The following AFF3 variants were observed in gnomAD, a reference collection of about 807,000 sequenced individuals.
AFF3 encodes the protein AF4/FMR2 family member 3.
Under a neutral mutation model 129.7 loss-of-function variants are expected in AFF3, and 32 were observed. The observed-to-expected ratio is 0.25, with a 90% CI of 0.19 to 0.33. The LOEUF (loss-of-function observed/expected upper bound fraction) is 0.33. Among genes scored for constraint, AFF3 ranks in the 10% least tolerant of loss-of-function variants. AFF3 has a pLI of 1.00. For missense variants in AFF3, 1,373 were observed against 1,592.0 expected, an observed-to-expected ratio of 0.86 and a Z score of 2.34; for synonymous variants, 644 against 635.4, an observed-to-expected ratio of 1.01 and a Z score of -0.20.
rs1380350395 is a variant in AFF3, at chr2:99,582,936, A to G, written c.2655T>C (p.Asp885=). Residue 885 remains aspartate, a synonymous_variant, in exon 17 of 25, where the codon GAT becomes GAC. Transcript: ENST00000672756. ...CGCTGGTGTATTTGTGTTTAGATGC[A>G]TCAGAGAGGGGTGAGATGGGCGACC... The part of the protein sequence containing the change: ...MLRSPISPLS[D]ASKHKYTSED... 9 of 1,614,092 alleles carry G rather than the reference A, an allele frequency of 5.6e-6. No individual in the cohort carries two copies. The highest frequency in any genetic ancestry group is 7.6e-6 in the Non-Finnish European group (9 of 1,180,052).
chr2:99,817,247 G>A (rs910034292), intron 8 of AFF3, among the ~76,000 whole-genome samples: 2 of 152,120 alleles, frequency 1.3e-5, no homozygotes, highest in Non-Finnish European at 2.9e-5. Context: ...AAACCTCCCC[G>A]GGTCTGCCAC....
At chr2:99,576,346 T>C (rs1433090388) in intron 18 of AFF3, among the ~76,000 whole-genome samples, 2 of 125,162 alleles carry the variant, frequency 1.6e-5, no homozygotes, top group Admixed American at 8.2e-5. Context: ...ACGCTTTTTC[T>C]ACAAAAAAAA....
At chr2:99,591,766 T>C (rs1453210365) in intron 15 of AFF3, among the ~76,000 whole-genome samples, 3 of 152,212 alleles carry the variant, frequency 2.0e-5, no homozygotes, top group Non-Finnish European at 2.9e-5. Flanking sequence ...TGATTTCTTA[T>C]TGTGACGCTC....
chr2:100,086,886 C>G (rs578131664), intron 4 of AFF3, among the ~76,000 whole-genome samples: 1 of 152,256 alleles, frequency 6.6e-6, no homozygotes, highest in Non-Finnish European at 1.5e-5. Flanking sequence ...AAACCTCTTA[C>G]AACAGCCCTT....
Position 99,694,538 on chromosome 2 carries a change from G to A in AFF3, c.1092-21949C>T, listed in dbSNP as rs372495039. ...CCTACTAATCAGTGTGACATTTTTT[G>A]CATTGCTCTCCGTAAGTCCTTTCCC... On this transcript the variant is annotated intron_variant, in intron 11 of 24. Coordinates refer to ENST00000672756, the MANE Select transcript of AFF3 (RefSeq NM_001386135.1). Among the ~76,000 whole-genome samples, 4 of 152,146 alleles carry A rather than the reference G, an allele frequency of 2.6e-5. No homozygotes were observed. The East Asian group carries it at 7.7e-4, about 29-fold the overall frequency.
intron 11 of AFF3, among the ~76,000 whole-genome samples, chr2:99,685,439 A>T (rs1181988925): frequency 2.6e-5 from 4 of 152,190 alleles, no homozygotes; most frequent in African/African-American, 9.7e-5. Flanking sequence ...CATGTAAATT[A>T]AGCCTTGCCA....
intron 4 of AFF3, among the ~76,000 whole-genome samples, chr2:100,095,327 G>C (rs554192077): frequency 1.3e-5 from 2 of 152,212 alleles, no homozygotes; most frequent in African/African-American, 4.8e-5. Flanking sequence ...CCCACAATCT[G>C]AAGGAAGAGT....
chr2:99,801,172 C>T (rs7573572), intron 8 of AFF3, among the ~76,000 whole-genome samples: 132,141 of 152,208 alleles, frequency 0.87, 57,427 homozygotes, highest in South Asian at 0.92. Context: ...GAAAATGATA[C>T]TTCCTATTTC....
intron 4 of AFF3, among the ~76,000 whole-genome samples, chr2:100,057,905 T>C (rs1686939725): frequency 6.6e-6 from 1 of 152,208 alleles, no homozygotes; most frequent in Non-Finnish European, 1.5e-5. Flanking sequence ...TAAACTATTA[T>C]TCTTCATGGT....
chr2:99,885,991 G>A (rs1693082530), intron 7 of AFF3, among the ~76,000 whole-genome samples: 1 of 152,208 alleles, frequency 6.6e-6, no homozygotes, highest in Admixed American at 6.5e-5. Flanking sequence ...ACTGGAACAA[G>A]GAACACGCAG....
rs184546564 is a variant in AFF3, at chr2:99,600,842, T to G, written c.1371+593A>C. Among the ~76,000 whole-genome samples, 446 of 152,318 alleles carry G rather than the reference T, an allele frequency of 2.9e-3. 5 individuals carry two copies. Among genetic ancestry groups the G allele is most frequent in the Non-Finnish European group, 1.0e-3 (69 of 68,020 alleles). On this transcript the variant is annotated intron_variant, in intron 14 of 24. Transcript: ENST00000672756. ...TTCTAATGTTTTTATAGGAGGCACC[T>G]AAATCTTCCACATAGATACTCATCA...
Position 99,709,976 on chromosome 2 carries a change from AAAACAAGTGCTTCTGAGTC to A in AFF3, c.1091+17082_1091+17100del, listed in dbSNP as rs1677748279. Reference sequence around the variant, plus strand: ...GTGTCTGTAGTCTGAGGCAGTGAGGAAAACAAGTGCTTCTGAGTCAAACACCTCTGGGGTAAAATCCTGG... The same window carrying A: ...GTGTCTGTAGTCTGAGGCAGTGAGGAAAACACCTCTGGGGTAAAATCCTGG... On this transcript the variant is annotated intron_variant, in intron 11 of 24. Transcript: ENST00000672756. Among the ~76,000 whole-genome samples the A allele has an allele frequency of 2.6e-5, 4 of 152,340 alleles. No homozygotes were observed. In the South Asian group the frequency reaches 8.3e-4, roughly 32 times the overall value.
chr2:99,979,676 G>T (rs1283374973), intron 7 of AFF3, among the ~76,000 whole-genome samples: 2 of 152,072 alleles, frequency 1.3e-5, no homozygotes, highest in South Asian at 2.1e-4. Flanking sequence ...TAGAGATGGG[G>T]TCTCTTTATG....
At chr2:99,882,588 G>T (rs1558943262) in intron 7 of AFF3, among the ~76,000 whole-genome samples, 1 of 152,208 alleles carries the variant, frequency 6.6e-6, no homozygotes, top group Non-Finnish European at 1.5e-5. Context: ...TAGAGAAGGG[G>T]CATCTCTCTT....
chr2:99,986,958 G>T (rs1299664623), intron 7 of AFF3, among the ~76,000 whole-genome samples: 1 of 152,118 alleles, frequency 6.6e-6, no homozygotes, highest in East Asian at 1.9e-4. Context: ...AAACATGCAG[G>T]GTGCTCTACA....
intron 7 of AFF3, among the ~76,000 whole-genome samples, chr2:99,839,667 A>C (rs2105805122): frequency 6.7e-6 from 1 of 148,748 alleles, no homozygotes; most frequent in South Asian, 2.1e-4. Flanking sequence ...GCTGGAGTGC[A>C]GTGGCGCGAT....
At chr2:99,627,379 T>A (rs961936906) in intron 13 of AFF3, among the ~76,000 whole-genome samples, 1 of 152,228 alleles carries the variant, frequency 6.6e-6, no homozygotes, top group South Asian at 2.1e-4. Flanking sequence ...TGTCTTCTTT[T>A]GTAAAGTGTC....
chr2:99,568,166 C>T (rs986083054), intron 19 of AFF3, among the ~76,000 whole-genome samples: 1 of 152,204 alleles, frequency 6.6e-6, no homozygotes, highest in Non-Finnish European at 1.5e-5. Flanking sequence ...CTGCCTCAAT[C>T]TCAGTTATGA....
intron 9 of AFF3, among the ~76,000 whole-genome samples, chr2:99,750,289 A>C (rs1330116293): frequency 1.3e-5 from 2 of 152,218 alleles, no homozygotes; most frequent in Non-Finnish European, 1.5e-5. Flanking sequence ...CTTAGAAGTA[A>C]CTGGGAAAAT....
Sources: allele counts gnomAD v4.1 joint callset (sites outside exome capture counted in the v4.1 genomes callset), GRCh38; gene constraint gnomAD v4.1.1; transcripts MANE v1.5; gene names NCBI Gene and HGNC (gene_info 2026-07-23, HGNC 2026-07-21).